The following HDAC9 variants were observed in gnomAD, a reference collection of about 807,000 sequenced individuals.
HDAC9 encodes MEF-2 interacting transcription repressor (MITR) protein.
In HDAC9, 41 loss-of-function variants were observed where a neutral mutation model predicts 139.4. That is an observed-to-expected ratio of 0.29 (90% CI 0.23 to 0.38). The LOEUF (loss-of-function observed/expected upper bound fraction) is 0.38, where lower values mean the gene tolerates loss of function less well. HDAC9 is among the 10% of genes least tolerant of loss of function. The probability of loss-of-function intolerance (pLI) is 1.00; values close to 1 mark genes in which losing one functional copy is unlikely to be tolerated. For missense variants in HDAC9, 1,147 were observed against 1,297.0 expected (o/e 0.88, Z 1.78); for synonymous variants, 517 against 476.2 (o/e 1.09, Z -1.12).
chr7:18,775,533 C>T (rs1790688503), intron 16 of HDAC9, among the ~76,000 whole-genome samples: 1 of 151,978 alleles, frequency 6.6e-6, no homozygotes, highest in African/African-American at 2.4e-5. Flanking sequence ...TTCTTTGCTG[C>T]TAAATAGATT....
chr7:18,384,826 G>T (rs1470470444), intron 1 of HDAC9, among the ~76,000 whole-genome samples: 1 of 152,004 alleles, frequency 6.6e-6, no homozygotes, highest in African/African-American at 2.4e-5. Flanking sequence ...AGCAGAAGGG[G>T]GTTTATTTTA....
chr7:18,872,822 A>G (rs1799032420), intron 21 of HDAC9, among the ~76,000 whole-genome samples: 1 of 152,060 alleles, frequency 6.6e-6, no homozygotes, highest in African/African-American at 2.4e-5. Flanking sequence ...CTGGGGGGAA[A>G]ATGAGGGAAG....
At chr7:18,629,134 T>C (rs989808819) in intron 6 of HDAC9, among the ~76,000 whole-genome samples, 1 of 152,080 alleles carries the variant, frequency 6.6e-6, no homozygotes, top group Non-Finnish European at 1.5e-5. Flanking sequence ...TTTAGAGAAG[T>C]TGAAAAAAGT....
At chr7:18,339,406 T>C (rs1422268472) in intron 1 of HDAC9, among the ~76,000 whole-genome samples, 1 of 151,482 alleles carries the variant, frequency 6.6e-6, no homozygotes, top group African/African-American at 2.4e-5. Flanking sequence ...CTTAATGCTA[T>C]AAATTTTCCC....
chr7:18,318,079 G>C (rs1033811402), intron 1 of HDAC9, among the ~76,000 whole-genome samples: 1 of 152,144 alleles, frequency 6.6e-6, no homozygotes, highest in African/African-American at 2.4e-5. Context: ...GCATCAAAGA[G>C]AGAGGAAAAG....
chr7:18,637,683 A>G (rs1177607051), intron 8 of HDAC9, among the ~76,000 whole-genome samples: 1 of 152,028 alleles, frequency 6.6e-6, no homozygotes, highest in Non-Finnish European at 1.5e-5. Context: ...CTGAACTATG[A>G]TCCAAAAGGC....
chr7:18,781,860 A>G (rs1160432060), intron 16 of HDAC9, among the ~76,000 whole-genome samples: 2 of 152,118 alleles, frequency 1.3e-5, no homozygotes, highest in Non-Finnish European at 2.9e-5. Flanking sequence ...CCAAATCAAG[A>G]TGCTGTTTGC....
intron 11 of HDAC9, among the ~76,000 whole-genome samples, chr7:18,659,504 G>A (rs767034901): frequency 6.6e-6 from 1 of 152,128 alleles, no homozygotes; most frequent in Non-Finnish European, 1.5e-5. Flanking sequence ...GATGGTATCT[G>A]GCACACAGAA....
At chr7:18,255,434 G>C (rs1795167816) in intron 2 of HDAC9, among the ~76,000 whole-genome samples, 2 of 152,114 alleles carry the variant, frequency 1.3e-5, no homozygotes, top group Non-Finnish European at 1.5e-5. Flanking sequence ...CAGACAGGGA[G>C]CATGGTATGA....
At chr7:18,150,857 C>T (rs947544663) in intron 1 of HDAC9, among the ~76,000 whole-genome samples, 1 of 152,066 alleles carries the variant, frequency 6.6e-6, no homozygotes, top group African/African-American at 2.4e-5. Context: ...GGAAGTATTG[C>T]AGAGGAACTT....
At position 18,829,362 on chromosome 7, in the gene HDAC9, G is replaced by C. The variant is rs1466436012; in HGVS notation, c.2379-99G>C. 2.7e-6 allele frequency: 3 copies of C among 1,119,684 alleles called. No individual in the cohort carries two copies. In the African/African-American group the frequency reaches 4.6e-5, roughly 17 times the overall value. The allele number at this position is 1,119,684 out of a possible 1,614,324, so 69.4% of individuals were successfully genotyped here. The stretch of plus-strand genomic sequence containing the variant: ...TCCCAGAAGCAGATTTATGGCTTCA[G>C]AGATCATATAGCATTTAAAAAAATG... On this transcript the variant is annotated intron_variant, in intron 18 of 25. Coordinates refer to ENST00000686413, the MANE Select transcript of HDAC9 (RefSeq NM_178425.4).
rs185006812 is a variant in HDAC9, at chr7:18,805,440, C to T, written c.2322+11988C>T. Among the ~76,000 whole-genome samples, 260 of 152,254 alleles carry T rather than the reference C, an allele frequency of 1.7e-3. 9 individuals are homozygous for T. The highest frequency in any genetic ancestry group is 1.5e-3 in the Non-Finnish European group (104 of 68,024). On this transcript the variant is annotated intron_variant, in intron 17 of 25. Coordinates refer to ENST00000686413, the MANE Select transcript of HDAC9 (RefSeq NM_178425.4). ...AAGTGGAGAGCTGGCTGAACGTGCC[C>T]ATGTGGATAGGTCCAAGAGAGAGAA...
chr7:18,971,752 C>T (rs188851475), intron 24 of HDAC9, among the ~76,000 whole-genome samples: 1 of 152,328 alleles, frequency 6.6e-6, no homozygotes, highest in East Asian at 1.9e-4. Context: ...ATTTCTGAGT[C>T]AGGAAACTCA....
At chr7:18,232,181 C>G (rs540749116) in intron 2 of HDAC9, among the ~76,000 whole-genome samples, 1 of 152,276 alleles carries the variant, frequency 6.6e-6, no homozygotes, top group South Asian at 2.1e-4. Flanking sequence ...TCGTCTCCCT[C>G]CTTGATTCCA....
At chr7:18,789,401 A>G (rs1792116134) in intron 16 of HDAC9, among the ~76,000 whole-genome samples, 1 of 152,156 alleles carries the variant, frequency 6.6e-6, no homozygotes, top group African/African-American at 2.4e-5. Context: ...ATGTGCATGG[A>G]AAGAAAAATG....
chr7:18,220,242 A>G (rs1792602917), intron 2 of HDAC9, among the ~76,000 whole-genome samples: 1 of 152,192 alleles, frequency 6.6e-6, no homozygotes. Flanking sequence ...GAGGGGAACA[A>G]ATATTTATTT....
At chr7:18,802,430 C>T (rs1188999257) in intron 17 of HDAC9, among the ~76,000 whole-genome samples, 1 of 151,868 alleles carries the variant, frequency 6.6e-6, no homozygotes, top group Non-Finnish European at 1.5e-5. Context: ...GACAAGTGTT[C>T]TTGCTATTTG....
intron 12 of HDAC9, among the ~76,000 whole-genome samples, chr7:18,669,061 A>T (rs542526431): frequency 9.9e-5 from 15 of 151,762 alleles, no homozygotes; most frequent in African/African-American, 3.6e-4. Context: ...TAGCTAACAC[A>T]TGTAAAATTT....
rs986379348 is a variant in HDAC9, at chr7:18,928,961, G to T, written c.2804-6848G>T. ...TTACAACGAGAATGCAATAATTTTG[G>T]TTTTTTAATATAGTTTTTTTTAATG... On this transcript the variant is annotated intron_variant, in intron 22 of 25. Transcript: ENST00000686413. Among the ~76,000 whole-genome samples, 46 of 151,336 alleles carry T rather than the reference G, an allele frequency of 3.0e-4. 1 individual carries two copies. Among genetic ancestry groups the T allele is most frequent in the Non-Finnish European group, 2.9e-4 (20 of 67,810 alleles).
Sources: allele counts gnomAD v4.1 joint callset (sites outside exome capture counted in the v4.1 genomes callset), GRCh38; gene constraint gnomAD v4.1.1; transcripts MANE v1.5; gene names NCBI Gene and HGNC (gene_info 2026-07-23, HGNC 2026-07-21).